COL4A3: variants seen among roughly 807,000 people sequenced by gnomAD.
The protein encoded by COL4A3 is collagen alpha-3(IV) chain.
COL4A3 carries 135 observed loss-of-function variants against 217.4 expected under a neutral mutation model. The ratio of observed to expected loss-of-function variants is 0.62; its 90% CI spans 0.54 to 0.72. COL4A3 has a LOEUF of 0.72. COL4A3 is among the 30% of genes least tolerant of loss of function. COL4A3 has a pLI of 0.00. For missense variants in COL4A3, 1,868 were observed against 2,119.9 expected (o/e 0.88, Z 2.33); for synonymous variants, 690 against 736.3 (o/e 0.94, Z 1.02).
chr2:227,202,737 A>T (rs1398442614), intron 1 of COL4A3, among the ~76,000 whole-genome samples: 1 of 10,332 alleles, frequency 9.7e-5, no homozygotes, highest in African/African-American at 2.0e-4. Context: ...TCCGTCTCTA[A>T]AAAAAAAAAA....
chr2:227,248,746 G>A (rs1014892987), intron 9 of COL4A3, among the ~76,000 whole-genome samples: 1 of 152,120 alleles, frequency 6.6e-6, no homozygotes, highest in East Asian at 1.9e-4. Context: ...ATGCAAAGAT[G>A]ATTTGAGTAT....
chr2:227,284,266 G>C lies in COL4A3; in HGVS notation c.2802G>C (p.Gly934=). The C allele has an allele frequency of 6.2e-7, 1 of 1,614,096 alleles. No individual in the cohort carries two copies. The highest frequency in any genetic ancestry group is 8.5e-7 in the Non-Finnish European group (1 of 1,180,000). Residue 934 remains glycine (G), a synonymous_variant, in exon 34 of 52, where the codon GGG becomes GGC. Coordinates refer to ENST00000396578, the MANE Select transcript of COL4A3 (RefSeq NM_000091.5). ...AGAGAGGAACCCCAGGAGCCAAGGG[G>C]GAACAAGGAGATAAAGGAAATCCCG... is the stretch of plus-strand genomic sequence containing the variant. ...KGQRGTPGAK[G]EQGDKGNPGP... is the part of the protein sequence containing the mutation.
At position 227,282,340 on chromosome 2, in the gene COL4A3, A is replaced by T; in HGVS notation, c.2489-25A>T. ...AGGGGAAAGCATTTGTGGGTTAATT[A>T]ATTCATTCATTTATTCGTACACAGG... On this transcript the variant is annotated intron_variant, in intron 31 of 51. Coordinates refer to ENST00000396578, the MANE Select transcript of COL4A3 (RefSeq NM_000091.5). The surrounding 1 kb of genome is among the most constrained non-coding windows in gnomAD (Gnocchi z 4.4). 6.3e-7 allele frequency: 1 copy of T among 1,589,772 alleles called. No homozygotes were observed. Among genetic ancestry groups the T allele is most frequent in the Non-Finnish European group, 8.6e-7 (1 of 1,161,206 alleles).
intron 1 of COL4A3, among the ~76,000 whole-genome samples, chr2:227,168,507 TA>T (rs1225440578): frequency 6.6e-6 from 1 of 152,250 alleles, no homozygotes; most frequent in Non-Finnish European, 1.5e-5. Flanking sequence ...GCTAATTAAT[TA>T]GAAGTTATTT....
intron 1 of COL4A3, among the ~76,000 whole-genome samples, chr2:227,215,035 A>G (rs2067473556): frequency 6.6e-6 from 1 of 152,228 alleles, no homozygotes; most frequent in Admixed American, 6.5e-5. Flanking sequence ...TACTCGGCTT[A>G]GAATGTGGGA....
chr2:227,244,283 C>A, intron 3 of COL4A3, 37 bp from the exon 4 acceptor site: 1 of 1,601,038 alleles, frequency 6.2e-7, no homozygotes, highest in Non-Finnish European at 8.6e-7. Flanking sequence ...AAATAATTTT[C>A]AGAGTGTTTA....
At chr2:227,206,848 T>C (rs1396054724) in intron 1 of COL4A3, among the ~76,000 whole-genome samples, 1 of 152,206 alleles carries the variant, frequency 6.6e-6, no homozygotes, top group Non-Finnish European at 1.5e-5. Context: ...GAAGTATTCT[T>C]TATCATCACC....
At chr2:227,177,463 T>C (rs558652791) in intron 1 of COL4A3, among the ~76,000 whole-genome samples, 1 of 152,292 alleles carries the variant, frequency 6.6e-6, no homozygotes, top group South Asian at 2.1e-4. Flanking sequence ...CCTATTTTTC[T>C]AAATATAATT....
chr2:227,239,548 T>G (rs1385614591), intron 2 of COL4A3, among the ~76,000 whole-genome samples: 4 of 152,234 alleles, frequency 2.6e-5, no homozygotes, highest in Admixed American at 1.3e-4. Flanking sequence ...TACTAGGTAC[T>G]TTCCCCTAAT....
chr2:227,167,178 T>C (rs938133356), intron 1 of COL4A3, among the ~76,000 whole-genome samples: 4 of 152,374 alleles, frequency 2.6e-5, no homozygotes, highest in Non-Finnish European at 5.9e-5. Flanking sequence ...TTATATTTTA[T>C]TATTTTTGTT....
chr2:227,249,176 T>C (rs899415875), intron 9 of COL4A3, among the ~76,000 whole-genome samples: 1 of 133,242 alleles, frequency 7.5e-6, no homozygotes, highest in African/African-American at 2.8e-5. Context: ...AAGTGCTAAC[T>C]TTCAGGTTAT....
chr2:227,271,259 T>C (rs953323917), intron 25 of COL4A3, among the ~76,000 whole-genome samples: 3 of 152,112 alleles, frequency 2.0e-5, no homozygotes, highest in Non-Finnish European at 4.4e-5. Context: ...GAAAATGATG[T>C]ATAGTAGAAA....
At chr2:227,192,496 G>A (rs1448065303) in intron 1 of COL4A3, among the ~76,000 whole-genome samples, 3 of 152,018 alleles carry the variant, frequency 2.0e-5, no homozygotes, top group Non-Finnish European at 2.9e-5. Context: ...AAATGATGCT[G>A]TATACATAAA....
At chr2:227,310,462 A>G (rs2073699398) in intron 50 of COL4A3, among the ~76,000 whole-genome samples, 1 of 152,164 alleles carries the variant, frequency 6.6e-6, no homozygotes, top group South Asian at 2.1e-4. Flanking sequence ...GACTACAGGC[A>G]CATGCCACCA....
intron 47 of COL4A3, chr2:227,305,394 T>C (rs758900439): frequency 3.1e-6 from 1 of 324,942 alleles, no homozygotes; most frequent in South Asian, 3.2e-5. Context: ...TAATAACTTA[T>C]AGGAGTTGTT....
At chr2:227,254,876 G>A (rs538865593) in intron 15 of COL4A3, among the ~76,000 whole-genome samples, 161 bp downstream of exon 15, 137 of 152,230 alleles carry the variant, frequency 9.0e-4, no homozygotes, top group Non-Finnish European at 1.7e-3. Flanking sequence ...TATCTAAGAC[G>A]TTCAAGGCTA....
chr2:227,257,831 T>C (rs2070286594), intron 18 of COL4A3, among the ~76,000 whole-genome samples, 187 bp downstream of exon 18: 2 of 152,176 alleles, frequency 1.3e-5, no homozygotes, highest in South Asian at 4.1e-4. Flanking sequence ...ATATTTCTAT[T>C]TGGTCCCTGG....
intron 38 of COL4A3, 50 bp downstream of exon 38, chr2:227,293,367 T>G: frequency 6.3e-7 from 1 of 1,592,946 alleles, no homozygotes; most frequent in East Asian, 2.2e-5. Flanking sequence ...ACTCAGAGTA[T>G]AGCCCTCCTG....
intron 36 of COL4A3, 118 bp from the exon 37 acceptor site, chr2:227,290,629 G>A (rs1056006230): frequency 2.4e-6 from 2 of 819,170 alleles, no homozygotes; most frequent in East Asian, 2.6e-5. Context: ...ACTACCTGAT[G>A]CAGTTGCAAT....
Sources: gnomAD v4.1 joint callset for allele counts (sites outside exome capture counted in the v4.1 genomes callset) on GRCh38, gnomAD v4.1.1 for gene constraint, Gnocchi (gnomAD v3.1) non-coding constraint, MANE v1.5 for transcripts, NCBI Gene and HGNC (gene_info 2026-07-23, HGNC 2026-07-21) for gene names.